Variants in MARCHF1 observed in about 807,000 individuals in gnomAD.
MARCHF1 encodes the protein E3 ubiquitin-protein ligase MARCHF1.
Under a neutral mutation model 54.2 loss-of-function variants are expected in MARCHF1, and 40 were observed. That is an observed-to-expected ratio of 0.74 (90% CI 0.57 to 0.96). The LOEUF (loss-of-function observed/expected upper bound fraction) is 0.96, where lower values mean the gene tolerates loss of function less well. Ranked by LOEUF, MARCHF1 falls within the 40% of genes least tolerant of loss-of-function variation. MARCHF1 has a pLI of 0.00. For synonymous variants in MARCHF1, 236 were observed against 236.3 expected, an observed-to-expected ratio of 1.00 and a Z score of 0.01; for missense variants, 586 against 656.5, an observed-to-expected ratio of 0.89 and a Z score of 1.17.
intron 1 of MARCHF1, among the ~76,000 whole-genome samples, chr4:164,184,073 A>G (rs1399874493): frequency 6.6e-6 from 1 of 152,144 alleles, no homozygotes. Context: ...GAGGGAGGCA[A>G]TAATGGGAAA....
intron 3 of MARCHF1, among the ~76,000 whole-genome samples, chr4:163,937,962 A>T (rs1751836468): frequency 6.6e-6 from 1 of 152,132 alleles, no homozygotes; most frequent in African/African-American, 2.4e-5. Context: ...TAGGGCACAT[A>T]ACAGAACATA....
intron 5 of MARCHF1, among the ~76,000 whole-genome samples, chr4:163,671,427 G>T (rs1453077047): frequency 6.6e-6 from 1 of 152,176 alleles, no homozygotes; most frequent in African/African-American, 2.4e-5. Flanking sequence ...AAGGGATCTG[G>T]TAAAGGCAGA....
intron 1 of MARCHF1, among the ~76,000 whole-genome samples, chr4:164,346,919 T>C (rs1380803711): frequency 6.6e-6 from 1 of 151,960 alleles, no homozygotes; most frequent in Admixed American, 6.6e-5. Flanking sequence ...TAAATGTAAA[T>C]ACAAAATATT....
chr4:163,978,262 C>A (rs1477727339), intron 3 of MARCHF1, among the ~76,000 whole-genome samples: 1 of 152,052 alleles, frequency 6.6e-6, no homozygotes, highest in Non-Finnish European at 1.5e-5. Flanking sequence ...ATAAATGGCA[C>A]AATCTATGGA....
intron 5 of MARCHF1, among the ~76,000 whole-genome samples, chr4:163,652,990 A>G (rs1361420179): frequency 1.3e-5 from 2 of 151,814 alleles, no homozygotes; most frequent in African/African-American, 2.4e-5. Flanking sequence ...GGAAGGTTGG[A>G]CACAGGAAAT....
At chr4:164,143,974 G>A (rs1183495416) in intron 1 of MARCHF1, among the ~76,000 whole-genome samples, 1 of 152,194 alleles carries the variant, frequency 6.6e-6, no homozygotes, top group Non-Finnish European at 1.5e-5. Context: ...AAGGATGGAA[G>A]AAGATCTACC....
chr4:164,052,147 G>GGT (rs71600663), intron 2 of MARCHF1, among the ~76,000 whole-genome samples: 1 of 148,784 alleles, frequency 6.7e-6, no homozygotes, highest in Non-Finnish European at 1.5e-5. Context: ...TTTTTTTTTT[G>GGT]TTTTTTTTGT....
At chr4:163,801,309 C>T (rs930676969) in intron 4 of MARCHF1, among the ~76,000 whole-genome samples, 2 of 151,586 alleles carry the variant, frequency 1.3e-5, no homozygotes, top group African/African-American at 4.8e-5. Context: ...AATTTATGAC[C>T]ACAGTAGGGT....
At chr4:164,336,272 G>T (rs1729736681) in intron 1 of MARCHF1, among the ~76,000 whole-genome samples, 1 of 152,030 alleles carries the variant, frequency 6.6e-6, no homozygotes, top group Non-Finnish European at 1.5e-5. Context: ...ATTAAGAAGT[G>T]GTGTTATGGT....
chr4:164,197,043 C>CTCT (rs749665777), intron 1 of MARCHF1: 3 of 1,605,670 alleles, frequency 1.9e-6, no homozygotes, highest in Non-Finnish European at 2.6e-6. Context: ...CTTCACCAAG[C>CTCT]TCTTCTTCAT....
At chr4:163,663,667 G>A (rs114018287) in intron 5 of MARCHF1, among the ~76,000 whole-genome samples, 2,627 of 152,078 alleles carry the variant, frequency 0.017, 55 homozygotes, top group East Asian at 0.081. Context: ...CTAAGGCCAC[G>A]TCTCTCCTGG....
chr4:163,902,392 T>TC (rs1750962939), intron 3 of MARCHF1, among the ~76,000 whole-genome samples: 1 of 152,214 alleles, frequency 6.6e-6, no homozygotes, highest in African/African-American at 2.4e-5. Flanking sequence ...TATCTCTGGC[T>TC]CACAGAGTAT....
chr4:164,184,469 T>C (rs1730914361), intron 1 of MARCHF1, among the ~76,000 whole-genome samples: 1 of 152,232 alleles, frequency 6.6e-6, no homozygotes, highest in African/African-American at 2.4e-5. Flanking sequence ...TGTCCATTGT[T>C]ACATACACAA....
At chr4:163,725,960 C>T (rs1159854582) in intron 4 of MARCHF1, among the ~76,000 whole-genome samples, 1 of 151,034 alleles carries the variant, frequency 6.6e-6, no homozygotes, top group African/African-American at 2.4e-5. Context: ...AAATTGATAA[C>T]AAATATAAGC....
chr4:163,871,669 C>T (rs188198470), intron 3 of MARCHF1, among the ~76,000 whole-genome samples: 1 of 152,020 alleles, frequency 6.6e-6, no homozygotes, highest in East Asian at 1.9e-4. Flanking sequence ...TGATACCAGA[C>T]GTAAAAAGCA....
intron 1 of MARCHF1, among the ~76,000 whole-genome samples, chr4:164,278,048 T>C (rs1018111134): frequency 1.3e-5 from 2 of 152,204 alleles, no homozygotes; most frequent in Non-Finnish European, 2.9e-5. Flanking sequence ...GTACTGTGGC[T>C]TATGTCTGTA....
chr4:164,270,606 G>A (rs1459710348), intron 1 of MARCHF1, among the ~76,000 whole-genome samples: 1 of 152,128 alleles, frequency 6.6e-6, no homozygotes, highest in Admixed American at 6.6e-5. Context: ...TCAATAGTTA[G>A]AGCAATCTAC....
chr4:163,889,793 C>A (rs1375852229), intron 3 of MARCHF1, among the ~76,000 whole-genome samples: 4 of 151,130 alleles, frequency 2.6e-5, no homozygotes, highest in African/African-American at 9.7e-5. Context: ...TAATCCACCT[C>A]AGCATATATT....
chr4:164,166,327 T>C (rs1579588414), intron 1 of MARCHF1, among the ~76,000 whole-genome samples: 1 of 151,982 alleles, frequency 6.6e-6, no homozygotes, highest in Non-Finnish European at 1.5e-5. Flanking sequence ...CCAAATGAAG[T>C]GTGAAGCTAG....
Sources: allele counts gnomAD v4.1 joint callset (sites outside exome capture counted in the v4.1 genomes callset), GRCh38; gene constraint gnomAD v4.1.1; transcripts MANE v1.5; gene names NCBI Gene and HGNC (gene_info 2026-07-23, HGNC 2026-07-21).